The following GRIK5 variants were observed in gnomAD, a reference collection of about 807,000 sequenced individuals.
GRIK5 encodes the protein glutamate ionotropic receptor kainate type subunit 5.
In GRIK5, 43 loss-of-function variants were observed where a neutral mutation model predicts 97.4. The observed-to-expected ratio is 0.44, with a 90% confidence interval of 0.35 to 0.57. The LOEUF (loss-of-function observed/expected upper bound fraction) is 0.57. Ranked by LOEUF, GRIK5 falls within the 20% of genes least tolerant of loss-of-function variation. The probability of loss-of-function intolerance (pLI) is 0.01; values close to 1 mark genes in which losing one functional copy is unlikely to be tolerated. For missense variants in GRIK5, 1,015 were observed against 1,382.0 expected, an observed-to-expected ratio of 0.73 and a Z score of 4.21; for synonymous variants, 580 against 583.5, an observed-to-expected ratio of 0.99 and a Z score of 0.09.
chr19:42,044,432 G>A (rs151129729), intron 11 of GRIK5, among the ~76,000 whole-genome samples: 4 of 152,156 alleles, frequency 2.6e-5, no homozygotes, highest in African/African-American at 7.2e-5. Flanking sequence ...GCTTATTTCT[G>A]AGGGGTTTGA....
intron 15 of GRIK5, among the ~76,000 whole-genome samples, chr19:42,018,149 TAAAAAAAAA>T (rs11452086): frequency 1.6e-5 from 1 of 62,810 alleles, no homozygotes; most frequent in Non-Finnish European, 2.7e-5. Context: ...CCATCTCTAC[TAAAAAAAAA>T]AAAAAAAAAA....
At chr19:42,063,971 G>C (rs1306988016) in intron 3 of GRIK5, among the ~76,000 whole-genome samples, 3 of 152,096 alleles carry the variant, frequency 2.0e-5, no homozygotes, top group African/African-American at 7.2e-5. Flanking sequence ...TTCCACACTG[G>C]TAAGGGCCCC....
At position 42,003,158 on chromosome 19, in the gene GRIK5, C is replaced by T. The variant is rs1430661519; in HGVS notation, c.2514+174G>A. On this transcript the variant is annotated intron_variant, in intron 19 of 19. Transcript: ENST00000593562. This position sits in a 1 kb window ranked among gnomAD's most constrained non-coding sequence, Gnocchi z 4.2. ...CTACTTTCCCTCCTGTTCTTCCTCA[C>T]GCGCTGATTCTCTGGCCCCATCAGC... Among the ~76,000 whole-genome samples, 4 of 152,080 alleles carry T rather than the reference C, an allele frequency of 2.6e-5. No individual in the cohort carries two copies. Among genetic ancestry groups the T allele is most frequent in the African/African-American group, 7.3e-5 (3 of 41,372 alleles).
At chr19:42,030,425 GGTAT>G (rs2075827535) in intron 12 of GRIK5, among the ~76,000 whole-genome samples, 1 of 151,758 alleles carries the variant, frequency 6.6e-6, no homozygotes, top group African/African-American at 2.4e-5. Flanking sequence ...CCAAAGTGCT[GGTAT>G]TAGAGGCGCG....
chr19:42,033,058 G>A (rs188345317), intron 12 of GRIK5, among the ~76,000 whole-genome samples: 151 of 152,308 alleles, frequency 9.9e-4, no homozygotes, highest in African/African-American at 3.6e-3. Flanking sequence ...AGTGGCTCAC[G>A]CCTGTAATCC....
intron 6 of GRIK5, among the ~76,000 whole-genome samples, chr19:42,058,306 G>A (rs575725061): frequency 2.4e-4 from 37 of 151,370 alleles, no homozygotes; most frequent in African/African-American, 8.5e-4. Flanking sequence ...TCAGCCTCCC[G>A]AGTAGCTGGG....
intron 1 of GRIK5, among the ~76,000 whole-genome samples, chr19:42,066,798 C>T (rs145422668): frequency 7.9e-5 from 12 of 151,886 alleles, no homozygotes; most frequent in Admixed American, 7.2e-4. Flanking sequence ...AGGCGAGACA[C>T]AGGAAGAGGG....
rs1279966371 is a variant in GRIK5, at chr19:42,056,708, A to G, written c.857T>C (p.Met286Thr). 3 of 1,614,092 alleles carry G rather than the reference A, an allele frequency of 1.9e-6. No individual in the cohort carries two copies. The highest frequency in any genetic ancestry group is 2.2e-5 in the South Asian group (2 of 91,080). ...FYPEFVRSLN[M>T]SWRENCEAST... ...GGCTTCACAGTTCTCCCTCCAGGAC[A>G]TGTTGAGGCTGCGGACAAACTCAGG... Residue 286 changes from methionine (M) to threonine (T), a missense_variant, in exon 8 of 20, where the codon ATG becomes ACG. By Grantham distance (81) the Met-to-Thr change is moderately conservative (BLOSUM62 -1). Around this residue, in one of 5 missense-constraint regions of GRIK5, gnomAD observed 477 missense variants for 701.1 expected, o/e 0.68. Transcript: ENST00000593562.
chr19:42,068,551 G>A, intron 1 of GRIK5: 2 of 401,616 alleles, frequency 5.0e-6, no homozygotes, highest in Non-Finnish European at 8.8e-6. Context: ...AGTGACAGAG[G>A]GAAGACAGCC....
intron 15 of GRIK5, among the ~76,000 whole-genome samples, chr19:42,008,401 C>T (rs782606814): frequency 2.5e-4 from 38 of 151,718 alleles, no homozygotes; most frequent in Non-Finnish European, 3.7e-4. Context: ...CTGAGGTGGG[C>T]GGATTGCTTG....
intron 15 of GRIK5, among the ~76,000 whole-genome samples, chr19:42,013,252 G>A (rs1057434604): frequency 2.6e-5 from 4 of 151,564 alleles, no homozygotes; most frequent in Non-Finnish European, 5.9e-5. Context: ...CTCAGTAGGC[G>A]GAGGCAGGAA....
In GRIK5 at chr19:42,000,117, G is replaced by A. The variant is rs542057402; in HGVS notation, c.2515-818C>T. On this transcript the variant is annotated intron_variant, in intron 19 of 19. Coordinates refer to ENST00000593562, the MANE Select transcript of GRIK5 (RefSeq NM_002088.5). Reference sequence around the variant, plus strand: ...AAAATGAGGTCAAAGGAGCAGTGGCGGCCAGCTCTGGTAAGGCCCATAAAC... The same window carrying A: ...AAAATGAGGTCAAAGGAGCAGTGGCAGCCAGCTCTGGTAAGGCCCATAAAC... Among the ~76,000 whole-genome samples the A allele has an allele frequency of 3.9e-5, 6 of 152,340 alleles. No homozygotes were observed. In the East Asian group the frequency reaches 7.7e-4, roughly 20 times the overall value.
At chr19:42,029,986 T>G (rs1041808453) in intron 12 of GRIK5, among the ~76,000 whole-genome samples, 1 of 152,192 alleles carries the variant, frequency 6.6e-6, no homozygotes, top group Non-Finnish European at 1.5e-5. Flanking sequence ...ACTCTTCTAC[T>G]TGTCCCTTAA....
At chr19:42,036,692 G>A (rs2075910122) in intron 12 of GRIK5, among the ~76,000 whole-genome samples, 1 of 152,156 alleles carries the variant, frequency 6.6e-6, no homozygotes, top group Admixed American at 6.5e-5. Flanking sequence ...GAGAACTGGG[G>A]ACAACATTTC....
At chr19:42,060,931 G>GT (rs958321548) in intron 5 of GRIK5, among the ~76,000 whole-genome samples, 10 of 152,260 alleles carry the variant, frequency 6.6e-5, no homozygotes, top group Admixed American at 3.3e-4. Flanking sequence ...TATTTGTGGT[G>GT]TTTTTTGCCC....
Position 42,003,358 on chromosome 19 carries a change from T to A in GRIK5, c.2488A>T (p.Thr830Ser), listed in dbSNP as rs2075447170. The A allele has an allele frequency of 6.2e-7, 1 of 1,612,114 alleles. No individual in the cohort carries two copies. Among genetic ancestry groups the A allele is most frequent in the South Asian group, 1.1e-5 (1 of 90,990 alleles). Reference sequence around the variant, plus strand: ...TCCTCGGACTCAGCTGACCTCCGTGTGGACCATATGAATTCCATGACCGCC... The same window carrying A: ...TCCTCGGACTCAGCTGACCTCCGTGAGGACCATATGAATTCCATGACCGCC... ...FVAVMEFIWS[T>S]RRSAESEEVS... The change falls in exon 19 of 20, where the codon ACA becomes TCA. Residue 830 changes from threonine (T) to serine (S), a missense_variant. By Grantham distance (58) the Thr-to-Ser change is moderately conservative. Transcript: ENST00000593562. The surrounding 1 kb of genome is among the most constrained non-coding windows in gnomAD (Gnocchi z 4.2).
intron 15 of GRIK5, among the ~76,000 whole-genome samples, chr19:42,017,092 C>T (rs541881321): frequency 2.0e-5 from 3 of 152,318 alleles, no homozygotes; most frequent in Admixed American, 6.5e-5. Context: ...CAACTCCACT[C>T]GAACTCAAGA....
chr19:42,019,990 T>G (rs539899344), intron 15 of GRIK5, among the ~76,000 whole-genome samples: 14 of 151,514 alleles, frequency 9.2e-5, no homozygotes, highest in East Asian at 1.9e-4. Context: ...TTTGGGGGTT[T>G]TTTTTTTTTT....
At chr19:42,024,126 C>A (rs1003994693) in intron 12 of GRIK5, among the ~76,000 whole-genome samples, 1 of 152,056 alleles carries the variant, frequency 6.6e-6, no homozygotes, top group African/African-American at 2.4e-5. Flanking sequence ...AGGCTCCCAT[C>A]ACACCCACCC....
Sources: allele counts gnomAD v4.1 joint callset (sites outside exome capture counted in the v4.1 genomes callset), GRCh38; gene constraint gnomAD v4.1.1; regional missense constraint gnomAD v4.1.1; non-coding constraint Gnocchi (gnomAD v3.1); transcripts MANE v1.5; gene names NCBI Gene and HGNC (gene_info 2026-07-23, HGNC 2026-07-21).